Variants in CCDC91 observed in about 807,000 individuals in gnomAD.
CCDC91 encodes coiled-coil domain-containing protein 91.
CCDC91 carries 48 observed loss-of-function variants against 63.2 expected under a neutral mutation model. That is an observed-to-expected ratio of 0.76 (90% confidence interval 0.60 to 0.97). CCDC91 has a LOEUF of 0.97. Ranked by LOEUF, CCDC91 falls within the 50% of genes least tolerant of loss-of-function variation. The pLI, the probability that CCDC91 is intolerant of heterozygous loss-of-function variation, is 0.00. For synonymous variants in CCDC91, 167 were observed against 165.8 expected (o/e 1.01, Z -0.06); for missense variants, 500 against 494.6 (o/e 1.01, Z -0.10).
At chr12:28,371,240 C>A (rs972690368) in intron 7 of CCDC91, among the ~76,000 whole-genome samples, 1 of 152,094 alleles carries the variant, frequency 6.6e-6, no homozygotes. Context: ...TGTTGGTGGG[C>A]AAGCAAGCAT....
At chr12:28,512,447 A>G (rs1196972502) in intron 12 of CCDC91, among the ~76,000 whole-genome samples, 1 of 151,894 alleles carries the variant, frequency 6.6e-6, no homozygotes, top group Non-Finnish European at 1.5e-5. Context: ...TACTAAGGCC[A>G]GCTATCTATC....
chr12:28,451,644 A>G (rs1480307205), intron 10 of CCDC91, among the ~76,000 whole-genome samples: 4 of 151,678 alleles, frequency 2.6e-5, no homozygotes, highest in Non-Finnish European at 5.9e-5. Context: ...GTGAATCAAT[A>G]TTTTTCACAT....
intron 12 of CCDC91, among the ~76,000 whole-genome samples, chr12:28,524,238 A>G (rs1003782833): frequency 1.3e-5 from 2 of 152,106 alleles, no homozygotes; most frequent in Non-Finnish European, 2.9e-5. Flanking sequence ...TTCCCCGTTC[A>G]GTATTATGTT....
intron 8 of CCDC91, among the ~76,000 whole-genome samples, chr12:28,407,888 A>G (rs1208807909): frequency 1.3e-5 from 2 of 151,482 alleles, no homozygotes. Flanking sequence ...AATTTCAATT[A>G]TCTCATGCTT....
chr12:28,518,087 T>C (rs1940156679), intron 12 of CCDC91, among the ~76,000 whole-genome samples: 1 of 152,036 alleles, frequency 6.6e-6, no homozygotes, highest in South Asian at 2.1e-4. Context: ...ATTGTGCTGC[T>C]ATAAACATGT....
chr12:28,356,620 T>C (rs1415723973), intron 6 of CCDC91, among the ~76,000 whole-genome samples: 2 of 152,186 alleles, frequency 1.3e-5, no homozygotes, highest in Admixed American at 1.3e-4. Flanking sequence ...GATGTAATCT[T>C]GTGGCTTCCA....
chr12:28,505,104 C>G (rs1008105844), intron 12 of CCDC91, among the ~76,000 whole-genome samples: 1 of 151,940 alleles, frequency 6.6e-6, no homozygotes, highest in African/African-American at 2.4e-5. Context: ...CAGAATTATT[C>G]AGCAAGGACC....
intron 12 of CCDC91, among the ~76,000 whole-genome samples, chr12:28,487,485 A>G (rs1951786240): frequency 1.3e-5 from 2 of 151,864 alleles, no homozygotes; most frequent in Non-Finnish European, 2.9e-5. Flanking sequence ...ATAAACTAAT[A>G]CTTAGGAAAA....
At chr12:28,316,890 A>G (rs1341181403) in intron 6 of CCDC91, among the ~76,000 whole-genome samples, 1 of 151,882 alleles carries the variant, frequency 6.6e-6, no homozygotes, top group Non-Finnish European at 1.5e-5. Context: ...GGATTTTCCC[A>G]GCAATTTGTC....
At chr12:28,408,676 T>C (rs1259285563) in intron 8 of CCDC91, among the ~76,000 whole-genome samples, 1 of 152,150 alleles carries the variant, frequency 6.6e-6, no homozygotes, top group Admixed American at 6.6e-5. Context: ...AGAGTCTTGC[T>C]CTGTATCCCA....
intron 3 of CCDC91, among the ~76,000 whole-genome samples, chr12:28,262,894 T>C (rs1334469654): frequency 6.6e-6 from 1 of 151,904 alleles, no homozygotes; most frequent in Non-Finnish European, 1.5e-5. Flanking sequence ...TAGTGAAAGC[T>C]ACCCAAGGAG....
intron 12 of CCDC91, among the ~76,000 whole-genome samples, chr12:28,541,003 C>G (rs1034802157): frequency 3.9e-5 from 6 of 152,068 alleles, no homozygotes; most frequent in African/African-American, 1.4e-4. Flanking sequence ...AGAGTCCTAG[C>G]CTACAACTTG....
At chr12:28,205,881 C>T (rs532523424) in intron 1 of CCDC91, among the ~76,000 whole-genome samples, 1 of 152,316 alleles carries the variant, frequency 6.6e-6, no homozygotes, top group East Asian at 1.9e-4. Context: ...TTTAGCAGTT[C>T]TCCCCTTTTG....
intron 3 of CCDC91, among the ~76,000 whole-genome samples, chr12:28,272,880 G>A (rs1342979490): frequency 1.3e-5 from 2 of 151,982 alleles, no homozygotes; most frequent in East Asian, 3.9e-4. Context: ...GAGTACGTGT[G>A]CACAATGTGC....
chr12:28,474,408 A>G (rs769162532), intron 11 of CCDC91, among the ~76,000 whole-genome samples: 35 of 152,248 alleles, frequency 2.3e-4, no homozygotes, highest in Admixed American at 5.2e-4. Context: ...TTTTTTCAAC[A>G]TTAAAAAATG....
chr12:28,488,581 G>T (rs987589086), intron 12 of CCDC91, among the ~76,000 whole-genome samples: 1 of 151,640 alleles, frequency 6.6e-6, no homozygotes, highest in Non-Finnish European at 1.5e-5. Flanking sequence ...GAAAAAAAAG[G>T]ATCCTTACAT....
At chr12:28,217,338 A>T (rs908375386) in intron 1 of CCDC91, among the ~76,000 whole-genome samples, 2 of 152,124 alleles carry the variant, frequency 1.3e-5, no homozygotes, top group Non-Finnish European at 2.9e-5. Context: ...CAAATGAGCT[A>T]AGTTTAGTTG....
intron 12 of CCDC91, among the ~76,000 whole-genome samples, chr12:28,511,613 C>T (rs1216859822): frequency 6.6e-6 from 1 of 151,776 alleles, no homozygotes; most frequent in Non-Finnish European, 1.5e-5. Context: ...AAATATTTGC[C>T]GATTGAATGA....
chr12:28,223,125 A>G (rs567129538), intron 1 of CCDC91, among the ~76,000 whole-genome samples: 14 of 152,310 alleles, frequency 9.2e-5, no homozygotes, highest in African/African-American at 3.4e-4. Context: ...TTTAGTGGCA[A>G]TATGGCAGGA....
Sources: gnomAD v4.1 joint callset for allele counts (sites outside exome capture counted in the v4.1 genomes callset) on GRCh38, gnomAD v4.1.1 for gene constraint, MANE v1.5 for transcripts, NCBI Gene and HGNC (gene_info 2026-07-23, HGNC 2026-07-21) for gene names.